MOXD1: variants seen among roughly 807,000 people sequenced by gnomAD.
MOXD1 encodes the protein DBH-like monooxygenase protein 1.
A neutral mutation model predicts 66.6 loss-of-function variants in MOXD1; 62 were observed. The observed-to-expected ratio is 0.93, with a 90% CI of 0.76 to 1.15. MOXD1 has a LOEUF of 1.15. MOXD1 is among the 50% of genes most tolerant of loss of function. MOXD1 has a pLI of 0.00. For missense variants in MOXD1, 847 were observed against 754.6 expected (o/e 1.12, Z -1.44); for synonymous variants, 303 against 281.9 (o/e 1.07, Z -0.75).
At chr6:132,358,095 G>A (rs570298858) in intron 4 of MOXD1, among the ~76,000 whole-genome samples, 12 of 152,268 alleles carry the variant, frequency 7.9e-5, no homozygotes, top group East Asian at 5.8e-4. Flanking sequence ...ATGGGAAAAC[G>A]GATTCAGAAA....
chr6:132,361,495 A>C (rs1670054471), intron 4 of MOXD1, among the ~76,000 whole-genome samples: 1 of 152,194 alleles, frequency 6.6e-6, no homozygotes, highest in Non-Finnish European at 1.5e-5. Flanking sequence ...AATAAGATGT[A>C]TTACTGCTAC....
At chr6:132,381,290 T>A (rs574997008) in intron 1 of MOXD1, among the ~76,000 whole-genome samples, 1 of 152,366 alleles carries the variant, frequency 6.6e-6, no homozygotes, top group Admixed American at 6.5e-5. Flanking sequence ...TTTAACTTAA[T>A]GAGACCAAAG....
intron 4 of MOXD1, among the ~76,000 whole-genome samples, chr6:132,360,916 ACC>A: frequency 6.6e-6 from 1 of 152,294 alleles, no homozygotes; most frequent in Admixed American, 6.5e-5. Context: ...CATACCATAA[ACC>A]AAAGTGTCTC....
At chr6:132,387,291 G>C (rs1216630093) in intron 1 of MOXD1, among the ~76,000 whole-genome samples, 2 of 151,372 alleles carry the variant, frequency 1.3e-5, no homozygotes, top group South Asian at 2.1e-4. Context: ...ATGAATTCCA[G>C]TTAAGTACAA....
chr6:132,401,042 G>A (rs1406641994), intron 1 of MOXD1, 121 bp downstream of exon 1: 7 of 1,239,102 alleles, frequency 5.6e-6, no homozygotes, highest in Non-Finnish European at 7.4e-6. Context: ...GGCCGGGGGC[G>A]CGGGGCTGCG....
Position 132,322,838 on chromosome 6 carries a change from A to G in MOXD1, c.1146T>C (p.His382=), listed in dbSNP as rs142837226. 1.1e-5 allele frequency: 18 copies of G among 1,613,674 alleles called. No individual in the cohort carries two copies. The highest frequency in any genetic ancestry group is 6.7e-5 in the African/African-American group (5 of 74,914). ...ALEAEKPSGI[H]VFAVLLHAHL... ...GAGCATGGAGAAGAACAGCAAACAC[A>G]TGAATTCCACTTGGCTTTTCGGCTT... The change falls in exon 8 of 12, where the codon CAT becomes CAC. Residue 382 remains histidine, a synonymous_variant. Transcript: ENST00000367963.
At chr6:132,390,178 C>T (rs1318730355) in intron 1 of MOXD1, among the ~76,000 whole-genome samples, 1 of 151,568 alleles carries the variant, frequency 6.6e-6, no homozygotes, top group Non-Finnish European at 1.5e-5. Context: ...AGAGCTCATG[C>T]GGTTCAGACA....
intron 1 of MOXD1, among the ~76,000 whole-genome samples, chr6:132,394,515 T>G (rs1776832212): frequency 1.3e-5 from 2 of 152,022 alleles, no homozygotes; most frequent in Admixed American, 1.3e-4. Flanking sequence ...AATATTGATT[T>G]TAAAGAAGCT....
chr6:132,391,930 A>G (rs1776774013), intron 1 of MOXD1: 3 of 352,364 alleles, frequency 8.5e-6, no homozygotes, highest in Middle Eastern at 1.5e-3. Flanking sequence ...ACTGTGGAGC[A>G]TGTGTCCTTA....
intron 10 of MOXD1, among the ~76,000 whole-genome samples, chr6:132,312,350 T>C (rs1774848002): frequency 6.6e-6 from 1 of 152,170 alleles, no homozygotes; most frequent in African/African-American, 2.4e-5. Context: ...TTTTTAGTAT[T>C]ATATGCTGAA....
At chr6:132,336,145 G>A (rs1043642299) in intron 4 of MOXD1, among the ~76,000 whole-genome samples, 3 of 152,136 alleles carry the variant, frequency 2.0e-5, no homozygotes, top group Non-Finnish European at 2.9e-5. Flanking sequence ...CTTGCAACTC[G>A]ATAAATTCAA....
At position 132,315,523 on chromosome 6, in the gene MOXD1, GAACA is replaced by G. The variant is rs1774925303; in HGVS notation, c.1508+108_1508+111del. 2.4e-6 allele frequency: 3 copies of G among 1,238,234 alleles called. No homozygotes were observed. In the South Asian group the frequency reaches 4.5e-5, roughly 18 times the overall value. The allele number at this position is 1,238,234 out of a possible 1,614,324, so 76.7% of individuals were successfully genotyped here. A position where few individuals can be genotyped will look rare whatever the true frequency, so the allele number is the denominator to read the frequency against. Reference sequence around the variant, plus strand: ...CTCCCCAGTTAAAAGTAATCAAATAGAACAAACAGTGCATAAAAATTTCTATAAT... The same window carrying G: ...CTCCCCAGTTAAAAGTAATCAAATAGAACAGTGCATAAAAATTTCTATAAT... On this transcript the variant is annotated intron_variant, in intron 10 of 11. Coordinates refer to ENST00000367963, the MANE Select transcript of MOXD1 (RefSeq NM_015529.4).
chr6:132,307,055 A>G (rs1378530208), intron 10 of MOXD1, among the ~76,000 whole-genome samples: 2 of 152,226 alleles, frequency 1.3e-5, no homozygotes, highest in Non-Finnish European at 2.9e-5. Flanking sequence ...TAAAGGCCCC[A>G]ATTAAAAGAC....
In MOXD1 at chr6:132,320,579, A is replaced by C. The variant is rs372984007; in HGVS notation, c.1365+50T>G. 13 of 1,441,696 alleles carry C rather than the reference A, an allele frequency of 9.0e-6. No individual in the cohort carries two copies. In the African/African-American group the frequency reaches 1.3e-4, roughly 14 times the overall value. 89.3% of individuals were successfully genotyped at this position (1,441,696 alleles called of 1,614,324 possible). A position where few individuals can be genotyped will look rare whatever the true frequency, so the allele number is the denominator to read the frequency against. ...ACCTTTTTCTTCTAAAATCAAGTTT[A>C]TTTCTTTCTCTCCATAAATGAACTT... On this transcript the variant is annotated intron_variant, in intron 9 of 11. Coordinates refer to ENST00000367963, the MANE Select transcript of MOXD1 (RefSeq NM_015529.4).
chr6:132,332,977 G>T (rs1775355512), intron 4 of MOXD1, among the ~76,000 whole-genome samples: 1 of 152,098 alleles, frequency 6.6e-6, no homozygotes, highest in Non-Finnish European at 1.5e-5. Flanking sequence ...GAAAAGACAA[G>T]ACTTTTGTTT....
intron 4 of MOXD1, among the ~76,000 whole-genome samples, chr6:132,362,233 T>G (rs576380691): frequency 6.6e-6 from 1 of 152,290 alleles, no homozygotes; most frequent in South Asian, 2.1e-4. Flanking sequence ...TCTTTTATTA[T>G]AATTTTATTC....
chr6:132,346,218 A>G (rs1775666568), intron 4 of MOXD1, among the ~76,000 whole-genome samples: 1 of 152,206 alleles, frequency 6.6e-6, no homozygotes, highest in Non-Finnish European at 1.5e-5. Flanking sequence ...AATATAACTT[A>G]CATATAAAAA....
intron 10 of MOXD1, among the ~76,000 whole-genome samples, chr6:132,310,320 G>A (rs1160440224): frequency 1.3e-5 from 2 of 152,152 alleles, no homozygotes; most frequent in Non-Finnish European, 1.5e-5. Context: ...AGTCAGAATG[G>A]CAATTATTAA....
intron 6 of MOXD1, among the ~76,000 whole-genome samples, chr6:132,326,230 A>C (rs1254007274): frequency 6.6e-6 from 1 of 152,004 alleles, no homozygotes; most frequent in African/African-American, 2.4e-5. Flanking sequence ...TTATATTTAT[A>C]AAAATAAAAT....
Sources: allele counts gnomAD v4.1 joint callset (sites outside exome capture counted in the v4.1 genomes callset), GRCh38; gene constraint gnomAD v4.1.1; transcripts MANE v1.5; gene names NCBI Gene and HGNC (gene_info 2026-07-23, HGNC 2026-07-21).